TENT4B: variants seen among roughly 807,000 people sequenced by gnomAD.
The protein encoded by TENT4B is terminal nucleotidyltransferase 4B, also known as PAP associated domain containing 5.
A neutral mutation model predicts 75.0 loss-of-function variants in TENT4B; 10 were observed. The observed-to-expected ratio is 0.13, with a 90% CI of 0.08 to 0.23. The LOEUF (loss-of-function observed/expected upper bound fraction) is 0.23. Ranked by LOEUF, TENT4B falls within the 10% of genes least tolerant of loss-of-function variation. The probability of loss-of-function intolerance (pLI) is 1.00; values close to 1 mark genes in which losing one functional copy is unlikely to be tolerated. For synonymous variants in TENT4B, 350 were observed against 357.7 expected, an observed-to-expected ratio of 0.98 and a Z score of 0.24; for missense variants, 579 against 893.8, an observed-to-expected ratio of 0.65 and a Z score of 4.49.
rs1429572294 is a variant in TENT4B at position 50,231,126 on chromosome 16, T to C, written c.*1798T>C. ...TTTTAATTCACAATGGAAAAATGTG[T>C]TCCAAAACTGGAAACTCATAGTACT... On this transcript the variant is annotated 3_prime_UTR_variant, in exon 12 of 12. Coordinates refer to ENST00000561678, the MANE Select transcript of TENT4B (RefSeq NM_001365324.3). 1.0e-6 allele frequency: 1 copy of C among 985,568 alleles called. No individual in the cohort carries two copies. The highest frequency in any genetic ancestry group is 1.2e-6 in the Non-Finnish European group (1 of 829,656). The allele number at this position is 985,568 out of a possible 1,614,324, so 61.1% of individuals were successfully genotyped here. A position where few individuals can be genotyped will look rare whatever the true frequency, so the allele number is the denominator to read the frequency against.
intron 1 of TENT4B, among the ~76,000 whole-genome samples, chr16:50,192,771 G>A (rs933877996): frequency 6.6e-6 from 1 of 150,590 alleles, no homozygotes; most frequent in Non-Finnish European, 1.5e-5. Flanking sequence ...TTCTTCTTTT[G>A]ACTTCTTTTC....
intron 1 of TENT4B, among the ~76,000 whole-genome samples, chr16:50,163,113 T>G (rs1253645862): frequency 6.6e-6 from 1 of 152,232 alleles, no homozygotes; most frequent in Non-Finnish European, 1.5e-5. Flanking sequence ...GTCACTGTTT[T>G]GATTTTGTGA....
intron 1 of TENT4B, among the ~76,000 whole-genome samples, chr16:50,184,469 C>T (rs929817271): frequency 6.6e-5 from 10 of 151,954 alleles, no homozygotes; most frequent in African/African-American, 1.7e-4. Context: ...GAGATCGAGA[C>T]CATCCTGGCT....
chr16:50,216,847 A>G (rs2031584804), intron 4 of TENT4B, among the ~76,000 whole-genome samples: 2 of 152,086 alleles, frequency 1.3e-5, no homozygotes, highest in Admixed American at 1.3e-4. Context: ...TTGTAGAGAT[A>G]GGGTCTCCCT....
Position 50,230,365 on chromosome 16 carries a change from C to T in TENT4B, c.*1037C>T. On this transcript the variant is annotated 3_prime_UTR_variant, in exon 12 of 12. Transcript: ENST00000561678. ...TCCTGTTGCAGTGAAACTTCGAGTT[C>T]CACAGACTTTGCATGCTGGCTTCTC... The T allele has an allele frequency of 7.1e-6, 7 of 983,338 alleles. No homozygotes were observed. Among genetic ancestry groups the T allele is most frequent in the Non-Finnish European group, 8.4e-6 (7 of 829,534 alleles). The allele number at this position is 983,338 out of a possible 1,614,324, so 60.9% of individuals were successfully genotyped here.
Position 50,199,034 on chromosome 16 carries a change from T to C in TENT4B, c.639-12289T>C, listed in dbSNP as rs548895973. ...ATCTCTCCCCTGACTTTGATTCTTT[T>C]TGGGGTTGGCTCCATTCTCTCCTGT... is the stretch of plus-strand genomic sequence containing the variant. On this transcript the variant is annotated intron_variant, in intron 1 of 11. Coordinates refer to ENST00000561678, the MANE Select transcript of TENT4B (RefSeq NM_001365324.3). Among the ~76,000 whole-genome samples, 9 of 152,358 alleles carry C rather than the reference T, an allele frequency of 5.9e-5. No homozygotes were observed. In the East Asian group the frequency reaches 1.3e-3, roughly 23 times the overall value.
chr16:50,212,578 A>G (rs1306217658), intron 2 of TENT4B, among the ~76,000 whole-genome samples: 1 of 152,232 alleles, frequency 6.6e-6, no homozygotes, highest in Non-Finnish European at 1.5e-5. Flanking sequence ...TAAAACTTGC[A>G]AGTATATGAC....
intron 5 of TENT4B, among the ~76,000 whole-genome samples, chr16:50,219,664 TTC>T (rs1267021935): frequency 6.6e-6 from 1 of 151,746 alleles, no homozygotes. Flanking sequence ...TATTCTCATT[TTC>T]TCTCTCTCCC....
In TENT4B at chr16:50,234,604, G is replaced by A; in HGVS notation, c.*5276G>A. ...ATCTCCTAATTTTAAGATCCTCTCT[G>A]ATTTTTGCATATTGAAACTTACAGA... On this transcript the variant is annotated 3_prime_UTR_variant, in exon 12 of 12. Transcript: ENST00000561678. 1 of 984,470 alleles carries A rather than the reference G, an allele frequency of 1.0e-6. No homozygotes were observed. 61.0% of individuals were successfully genotyped at this position (984,470 alleles called of 1,614,324 possible).
intron 3 of TENT4B, 111 bp from the exon 4 acceptor site, chr16:50,215,964 C>CAA: frequency 2.3e-6 from 3 of 1,327,728 alleles, no homozygotes; most frequent in South Asian, 2.8e-5. Flanking sequence ...CTTCGTTGGC[C>CAA]AGGGTGGGAA....
rs1194568855 is a variant in TENT4B at position 50,233,146 on chromosome 16, A to AT, written c.*3819dup. On this transcript the variant is annotated 3_prime_UTR_variant, in exon 12 of 12. Transcript: ENST00000561678. ...AAGTTATATTTAGTAGTTACTGTTG[A>AT]TAGTAATTTTCATCAGGGTCATAGT... is the stretch of plus-strand genomic sequence containing the variant. 1.0e-6 allele frequency: 1 copy of AT among 983,276 alleles called. No individual in the cohort carries two copies. Among genetic ancestry groups the AT allele is most frequent in the Non-Finnish European group, 1.2e-6 (1 of 828,066 alleles). The allele number at this position is 983,276 out of a possible 1,614,324, so 60.9% of individuals were successfully genotyped here.
At chr16:50,193,627 C>T (rs559648390) in intron 1 of TENT4B, among the ~76,000 whole-genome samples, 2 of 152,070 alleles carry the variant, frequency 1.3e-5, no homozygotes, top group African/African-American at 2.4e-5. Flanking sequence ...TGTGAGTCAC[C>T]GCGCCTGGCC....
At chr16:50,207,845 T>C (rs2031068523) in intron 1 of TENT4B, among the ~76,000 whole-genome samples, 1 of 152,226 alleles carries the variant, frequency 6.6e-6, no homozygotes, top group African/African-American at 2.4e-5. Context: ...GTGCACACTC[T>C]ACAAACGGAC....
At chr16:50,163,792 A>G (rs2038045803) in intron 1 of TENT4B, among the ~76,000 whole-genome samples, 1 of 151,978 alleles carries the variant, frequency 6.6e-6, no homozygotes, top group African/African-American at 2.4e-5. Flanking sequence ...TTTTATCAAT[A>G]CGCACTCTTA....
At chr16:50,220,716 A>G (rs2150744193) in intron 5 of TENT4B, among the ~76,000 whole-genome samples, 1 of 151,866 alleles carries the variant, frequency 6.6e-6, no homozygotes, top group Middle Eastern at 3.4e-3. Context: ...TTTAGTAGAG[A>G]TGGGGTTTCT....
At chr16:50,170,705 C>T (rs542733284) in intron 1 of TENT4B, among the ~76,000 whole-genome samples, 16 of 151,824 alleles carry the variant, frequency 1.1e-4, no homozygotes, top group Admixed American at 7.2e-4. Flanking sequence ...CTCACCCTGT[C>T]ATCCAGGCTG....
Position 50,227,944 on chromosome 16 carries a change from G to A in TENT4B, c.1906G>A (p.Val636Ile). 1.2e-6 allele frequency: 2 copies of A among 1,613,990 alleles called. No homozygotes were observed. Among genetic ancestry groups the A allele is most frequent in the Non-Finnish European group, 1.7e-6 (2 of 1,179,890 alleles). The stretch of plus-strand genomic sequence containing the variant: ...TGTATCCTTGGAGTCCTCTCAGGCA[G>A]TTGGGAAAATGCAAAGCACCCAAAC... The part of the protein sequence containing the change: ...QDVSLESSQA[V>I]GKMQSTQTTN... The change falls in exon 11 of 12, where the codon GTT becomes ATT. Residue 636 changes from valine to isoleucine, a missense_variant. By Grantham distance (29) the Val-to-Ile change is conservative (BLOSUM62 3). Around this residue, in one of 7 missense-constraint regions of TENT4B, gnomAD observed 164 missense variants for 226.5 expected, o/e 0.72. Coordinates refer to ENST00000561678, the MANE Select transcript of TENT4B (RefSeq NM_001365324.3).
intron 1 of TENT4B, among the ~76,000 whole-genome samples, chr16:50,171,093 A>T (rs960325428): frequency 6.6e-6 from 1 of 151,900 alleles, no homozygotes; most frequent in African/African-American, 2.4e-5. Context: ...CACTGTGCCT[A>T]GTCTCAGAAT....
intron 1 of TENT4B, among the ~76,000 whole-genome samples, chr16:50,159,214 C>T (rs980995203): frequency 6.6e-6 from 1 of 151,004 alleles, no homozygotes; most frequent in Non-Finnish European, 1.5e-5. Flanking sequence ...CTCTCTCTCT[C>T]GCTCTCGCTC....
Sources: gnomAD v4.1 joint callset for allele counts (sites outside exome capture counted in the v4.1 genomes callset) on GRCh38, gnomAD v4.1.1 for gene constraint, gnomAD v4.1.1 regional missense constraint, MANE v1.5 for transcripts, NCBI Gene and HGNC (gene_info 2026-07-23, HGNC 2026-07-21) for gene names.